Variants in PTPRK observed in about 807,000 individuals in gnomAD.
The protein encoded by PTPRK is receptor-type tyrosine-protein phosphatase kappa.
A neutral mutation model predicts 178.0 loss-of-function variants in PTPRK; 75 were observed. The observed-to-expected ratio is 0.42, with a 90% CI of 0.35 to 0.51. PTPRK has a LOEUF of 0.51. Among genes scored for constraint, PTPRK ranks in the 20% least tolerant of loss-of-function variants. The probability of loss-of-function intolerance (pLI) is 0.02; values close to 1 mark genes in which losing one functional copy is unlikely to be tolerated. For missense variants in PTPRK, 1,441 were observed against 1,797.8 expected, an observed-to-expected ratio of 0.80 and a Z score of 3.59; for synonymous variants, 637 against 620.6, an observed-to-expected ratio of 1.03 and a Z score of -0.39.
intron 7 of PTPRK, among the ~76,000 whole-genome samples, chr6:128,110,209 C>G (rs979503451): frequency 6.6e-6 from 1 of 152,076 alleles, no homozygotes; most frequent in Non-Finnish European, 1.5e-5. Flanking sequence ...CAGGTGTGAG[C>G]CACCATGCCC....
chr6:128,462,032 T>C (rs1361298079), intron 1 of PTPRK, among the ~76,000 whole-genome samples: 2 of 152,196 alleles, frequency 1.3e-5, no homozygotes, highest in Non-Finnish European at 2.9e-5. Context: ...TCTTGCGATG[T>C]TGCCCAGGCT....
chr6:128,181,429 T>A (rs1305531455), intron 7 of PTPRK, among the ~76,000 whole-genome samples: 2 of 152,090 alleles, frequency 1.3e-5, no homozygotes, highest in Non-Finnish European at 1.5e-5. Context: ...CAGATTATAT[T>A]AATGGCAAAT....
At chr6:128,211,540 T>C (rs1453238192) in intron 6 of PTPRK, among the ~76,000 whole-genome samples, 1 of 152,134 alleles carries the variant, frequency 6.6e-6, no homozygotes, top group African/African-American at 2.4e-5. Context: ...AATAATTACA[T>C]ATTATTATTT....
chr6:128,289,227 C>A (rs1822991154), intron 3 of PTPRK, among the ~76,000 whole-genome samples: 1 of 152,094 alleles, frequency 6.6e-6, no homozygotes, highest in South Asian at 2.1e-4. Flanking sequence ...TTATAAACCA[C>A]TAGAATGGAC....
At chr6:128,238,001 AT>A (rs1482916509) in intron 5 of PTPRK, 4 of 445,302 alleles carry the variant, frequency 9.0e-6, no homozygotes, top group South Asian at 4.9e-5. Context: ...AGATTTCAAT[AT>A]TTCTTGTAGA....
chr6:128,152,331 C>T (rs902059081), intron 7 of PTPRK, among the ~76,000 whole-genome samples: 14 of 151,922 alleles, frequency 9.2e-5, no homozygotes, highest in African/African-American at 2.9e-4. Context: ...TGATGGTAAA[C>T]TAGATGTCTA....
intron 3 of PTPRK, among the ~76,000 whole-genome samples, chr6:128,313,851 T>C (rs1211270598): frequency 1.3e-5 from 2 of 151,814 alleles, no homozygotes; most frequent in Admixed American, 6.6e-5. Context: ...TAAAGAAAAA[T>C]ATAAATGGGA....
intron 3 of PTPRK, among the ~76,000 whole-genome samples, chr6:128,293,515 T>C (rs1301792776): frequency 6.6e-6 from 1 of 152,100 alleles, no homozygotes; most frequent in Non-Finnish European, 1.5e-5. Flanking sequence ...ATTCAAACCA[T>C]AGCAATAGTG....
chr6:128,157,684 T>G (rs1488125995), intron 7 of PTPRK, among the ~76,000 whole-genome samples: 2 of 152,096 alleles, frequency 1.3e-5, no homozygotes, highest in African/African-American at 4.8e-5. Context: ...ATTTCTCTGA[T>G]GGCCAGTGAT....
intron 3 of PTPRK, among the ~76,000 whole-genome samples, chr6:128,257,719 TA>T (rs1242578374): frequency 3.3e-5 from 5 of 152,154 alleles, no homozygotes; most frequent in Admixed American, 6.6e-5. Context: ...ATTTCAGACT[TA>T]AAATAATGTC....
rs982589767 is a variant in PTPRK, at chr6:128,519,795, CA to C, written c.100+463del. On this transcript the variant is annotated intron_variant, in intron 1 of 29. Transcript: ENST00000368226. The surrounding 1 kb of genome is among the most constrained non-coding windows in gnomAD (Gnocchi z 4.3). ...TAGTCAGGGGAGGTTATTCCCGGGACAAAAAGCACCTGGCAAAGCGCGCCGA... is the reference window on the plus strand; with the variant it reads ...TAGTCAGGGGAGGTTATTCCCGGGACAAAAGCACCTGGCAAAGCGCGCCGA... Among the ~76,000 whole-genome samples the C allele has an allele frequency of 1.3e-5, 2 of 152,148 alleles. No individual in the cohort carries two copies.
rs574444879 is a variant in PTPRK, at chr6:127,983,440, G to A, written c.3252-63C>T. ...TGTTAGTCTTCATAACCTTAAATAAGGACTTTTTCCACTGTCAGATAGGTA... is the reference window on the plus strand; with the variant it reads ...TGTTAGTCTTCATAACCTTAAATAAAGACTTTTTCCACTGTCAGATAGGTA... On this transcript the variant is annotated intron_variant, in intron 22 of 29. Transcript: ENST00000368226. The A allele has an allele frequency of 5.7e-5, 89 of 1,549,564 alleles. No homozygotes were observed. The African/African-American group carries it at 1.1e-3, about 19-fold the overall frequency.
At chr6:128,440,795 C>T (rs1418797026) in intron 1 of PTPRK, among the ~76,000 whole-genome samples, 81 of 151,932 alleles carry the variant, frequency 5.3e-4, no homozygotes, top group Non-Finnish European at 1.5e-5. Context: ...GAGTATTCAA[C>T]TGTATAAATG....
At chr6:128,330,223 G>A (rs908346975) in intron 2 of PTPRK, among the ~76,000 whole-genome samples, 9 of 152,174 alleles carry the variant, frequency 5.9e-5, no homozygotes, top group African/African-American at 2.2e-4. Flanking sequence ...CATGATTTGG[G>A]TCTCAGCCCA....
chr6:128,128,811 G>A (rs1448740566), intron 7 of PTPRK, among the ~76,000 whole-genome samples: 2 of 152,184 alleles, frequency 1.3e-5, no homozygotes, highest in Admixed American at 1.3e-4. Flanking sequence ...TCTAATGCTA[G>A]AGTTACTTGA....
chr6:128,465,882 A>T (rs1849784998), intron 1 of PTPRK, among the ~76,000 whole-genome samples: 1 of 152,184 alleles, frequency 6.6e-6, no homozygotes, highest in South Asian at 2.1e-4. Flanking sequence ...CATGGGAGGC[A>T]GACCATATGT....
Position 128,149,421 on chromosome 6 carries a change from T to A in PTPRK, c.1162+35011A>T, listed in dbSNP as rs534218799. On this transcript the variant is annotated intron_variant, in intron 7 of 29. Coordinates refer to ENST00000368226, the MANE Select transcript of PTPRK (RefSeq NM_002844.4). The stretch of plus-strand genomic sequence containing the variant: ...AATGTACTAAAATGGTGTTTTAGAT[T>A]TGTCTGACTTAAAAATATTTTAACT... Among the ~76,000 whole-genome samples the A allele has an allele frequency of 6.1e-4, 93 of 152,278 alleles. 1 individual carries two copies. The highest frequency in any genetic ancestry group is 2.1e-3 in the African/African-American group (89 of 41,568).
At chr6:128,373,990 T>C (rs1836663928) in intron 2 of PTPRK, among the ~76,000 whole-genome samples, 1 of 152,186 alleles carries the variant, frequency 6.6e-6, no homozygotes, top group South Asian at 2.1e-4. Context: ...CCCCATCCTC[T>C]GATTTTCCAG....
intron 7 of PTPRK, among the ~76,000 whole-genome samples, chr6:128,145,877 A>G (rs900605345): frequency 2.6e-5 from 4 of 152,204 alleles, no homozygotes; most frequent in African/African-American, 9.6e-5. Flanking sequence ...ATTTTTATCA[A>G]ATTACTATAA....
Sources: gnomAD v4.1 joint callset for allele counts (sites outside exome capture counted in the v4.1 genomes callset) on GRCh38, gnomAD v4.1.1 for gene constraint, Gnocchi (gnomAD v3.1) non-coding constraint, MANE v1.5 for transcripts, NCBI Gene and HGNC (gene_info 2026-07-23, HGNC 2026-07-21) for gene names.